The following SP1 variants were observed in gnomAD, a reference collection of about 807,000 sequenced individuals.
SP1 encodes the protein Sp1 transcription factor, also known as transcription factor Sp1.
Under a neutral mutation model 66.3 loss-of-function variants are expected in SP1, and 6 were observed. The observed-to-expected ratio is 0.09, with a 90% CI of 0.05 to 0.18. The LOEUF (loss-of-function observed/expected upper bound fraction) is 0.18. Ranked by LOEUF, SP1 falls within the 10% of genes least tolerant of loss-of-function variation. The probability of loss-of-function intolerance (pLI) is 1.00; values close to 1 mark genes in which losing one functional copy is unlikely to be tolerated. For synonymous variants in SP1, 417 were observed against 360.8 expected (o/e 1.16, Z -1.77); for missense variants, 848 against 964.5 (o/e 0.88, Z 1.60).
chr12:53,393,378 G>A (rs906916873), intron 3 of SP1, among the ~76,000 whole-genome samples: 2 of 151,088 alleles, frequency 1.3e-5, no homozygotes, highest in African/African-American at 4.9e-5. Flanking sequence ...TCTGCTTCCC[G>A]GGTTCAACCG....
intron 3 of SP1, among the ~76,000 whole-genome samples, chr12:53,394,837 A>T (rs571964888): frequency 6.6e-6 from 1 of 150,960 alleles, no homozygotes; most frequent in Admixed American, 6.6e-5. Flanking sequence ...GATGATCTCA[A>T]TCTCCTGACC....
At position 53,409,908 on chromosome 12, in the gene SP1, G is replaced by T. The variant is rs574498838; in HGVS notation, c.2044+347G>T. Among the ~76,000 whole-genome samples the T allele has an allele frequency of 3.3e-5, 5 of 152,336 alleles. No homozygotes were observed. The South Asian group carries it at 1.0e-3, about 32-fold the overall frequency. On this transcript the variant is annotated intron_variant, in intron 5 of 5. Transcript: ENST00000327443. The stretch of plus-strand genomic sequence containing the variant: ...GCCTGTAGTTGCAGCTACTCAGGAG[G>T]TGGAGGCAGGAGAGTGGCATGAACC...
rs753297232 is a variant in SP1 at position 53,380,287 on chromosome 12, C to T, written c.-5C>T. On this transcript the variant is annotated 5_prime_UTR_variant, in exon 1 of 6. Transcript: ENST00000327443. ...CCCCCTTGAGCTTGTCCCTCAGCTGCCACCATGAGCGGTAAGGATGAGTCC... is the reference window on the plus strand; with the variant it reads ...CCCCCTTGAGCTTGTCCCTCAGCTGTCACCATGAGCGGTAAGGATGAGTCC... The T allele has an allele frequency of 2.6e-6, 4 of 1,512,878 alleles. No individual in the cohort carries two copies. The highest frequency in any genetic ancestry group is 1.1e-5 in the South Asian group (1 of 88,772). The allele number at this position is 1,512,878 out of a possible 1,614,324, so 93.7% of individuals were successfully genotyped here. A position where few individuals can be genotyped will look rare whatever the true frequency, so the allele number is the denominator to read the frequency against.
In SP1 at chr12:53,415,929, A is replaced by G. The variant is rs947332173; in HGVS notation, c.*4689A>G. 6.6e-6 allele frequency: 1 copy of G among 152,526 alleles called. No individual in the cohort carries two copies. The highest frequency in any genetic ancestry group is 2.4e-5 in the African/African-American group (1 of 41,404). The allele number at this position is 152,526 out of a possible 1,614,324, so 9.4% of individuals were successfully genotyped here. ...GTCTAGGGCACAAAGACTTCGGGGA[A>G]GATACACTGAGATTGACCTGAGGAG... On this transcript the variant is annotated 3_prime_UTR_variant, in exon 6 of 6. Transcript: ENST00000327443.
chr12:53,394,849 C>T (rs953105750), intron 3 of SP1, among the ~76,000 whole-genome samples: 7 of 151,548 alleles, frequency 4.6e-5, no homozygotes, highest in African/African-American at 1.5e-4. Context: ...CTCCTGACCT[C>T]GTGATCCACC....
At chr12:53,380,655 G>T in intron 1 of SP1, 1 of 986,006 alleles carries the variant, frequency 1.0e-6, no homozygotes, top group Non-Finnish European at 1.2e-6. Context: ...GGCCCCGCCC[G>T]GGCCAACCGC....
rs143397860 is a variant in SP1 at position 53,393,279 on chromosome 12, A to G, written c.1675+9657A>G. 2.3e-3 allele frequency among the ~76,000 whole-genome samples: 354 copies of G among 152,146 alleles called. 1 individual carries two copies. The highest frequency in any genetic ancestry group is 8.2e-3 in the African/African-American group (341 of 41,546). On this transcript the variant is annotated intron_variant, in intron 3 of 5. Transcript: ENST00000327443. ...ACCTGGGCAACATAGTGAAACCCCC[A>G]TCTCTTTTTTCTTTCTTTCTTTTTT...
At chr12:53,386,940 G>GTTTTTT (rs34093285) in intron 3 of SP1, among the ~76,000 whole-genome samples, 1 of 123,388 alleles carries the variant, frequency 8.1e-6, no homozygotes, top group African/African-American at 2.9e-5. Flanking sequence ...TTCTAGGTTT[G>GTTTTTT]TTTTTTTTTT....
chr12:53,402,474 G>A (rs935883019), intron 3 of SP1, among the ~76,000 whole-genome samples: 6 of 150,230 alleles, frequency 4.0e-5, no homozygotes, highest in African/African-American at 1.2e-4. Context: ...CACCCGCCTC[G>A]GCCTCCCAAA....
chr12:53,394,314 A>AT (rs1938424022), intron 3 of SP1, among the ~76,000 whole-genome samples: 2 of 141,472 alleles, frequency 1.4e-5, no homozygotes, highest in South Asian at 4.4e-4. Context: ...CTTAAAGAAG[A>AT]TAAAAAGCCC....
At chr12:53,402,827 G>A (rs548167887) in intron 3 of SP1, among the ~76,000 whole-genome samples, 143 of 152,076 alleles carry the variant, frequency 9.4e-4, no homozygotes, top group African/African-American at 2.4e-3. Context: ...TTAACCGAGC[G>A]TGGTGGTGCA....
chr12:53,410,327 T>C (rs955094788), intron 5 of SP1, among the ~76,000 whole-genome samples: 1 of 151,678 alleles, frequency 6.6e-6, no homozygotes, highest in Non-Finnish European at 1.5e-5. Context: ...TAAAATAAAA[T>C]AAGGAGCTAG....
At chr12:53,381,393 A>G (rs577311222) in intron 1 of SP1, 1 of 292,486 alleles carries the variant, frequency 3.4e-6, no homozygotes, top group African/African-American at 2.2e-5. Flanking sequence ...CGTCCTTCAC[A>G]TTTCCTATCC....
At chr12:53,403,778 A>G (rs937473022) in intron 3 of SP1, among the ~76,000 whole-genome samples, 10 of 152,138 alleles carry the variant, frequency 6.6e-5, no homozygotes, top group African/African-American at 1.2e-4. Context: ...GCTAATGTCT[A>G]TAATCACAAC....
At chr12:53,396,597 G>GATAA (rs766800184) in intron 3 of SP1, among the ~76,000 whole-genome samples, 3 of 152,096 alleles carry the variant, frequency 2.0e-5, no homozygotes, top group Non-Finnish European at 4.4e-5. Context: ...ACAAAAAACA[G>GATAA]ATAAGGTTGC....
chr12:53,395,211 G>A (rs892470670), intron 3 of SP1, among the ~76,000 whole-genome samples: 3 of 151,984 alleles, frequency 2.0e-5, no homozygotes, highest in Admixed American at 1.3e-4. Flanking sequence ...TTGGTGGTGC[G>A]CGCCTTTAAT....
intron 3 of SP1, among the ~76,000 whole-genome samples, chr12:53,403,728 GTAAATGC>G (rs1938664667): frequency 6.6e-6 from 1 of 152,080 alleles, no homozygotes; most frequent in Non-Finnish European, 1.5e-5. Flanking sequence ...CTTATTTATA[GTAAATGC>G]TTTGAAAATT....
intron 4 of SP1, among the ~76,000 whole-genome samples, chr12:53,408,248 A>G (rs1448244787): frequency 6.9e-6 from 1 of 144,240 alleles, no homozygotes; most frequent in Non-Finnish European, 1.5e-5. Flanking sequence ...TCTGTCTCAA[A>G]AAAAAAAAAA....
intron 3 of SP1, among the ~76,000 whole-genome samples, chr12:53,397,190 T>C (rs1938509791): frequency 6.6e-6 from 1 of 151,836 alleles, no homozygotes. Context: ...TTTTGTATTT[T>C]AGTAGAGAGG....
Sources: allele counts gnomAD v4.1 joint callset (sites outside exome capture counted in the v4.1 genomes callset), GRCh38; gene constraint gnomAD v4.1.1; transcripts MANE v1.5; gene names NCBI Gene and HGNC (gene_info 2026-07-23, HGNC 2026-07-21).